The following TRPC4AP variants were observed in gnomAD, a reference collection of about 807,000 sequenced individuals.
The protein encoded by TRPC4AP is transient receptor potential cation channel subfamily C member 4 associated protein.
Under a neutral mutation model 99.0 loss-of-function variants are expected in TRPC4AP, and 45 were observed. The observed-to-expected ratio is 0.45, with a 90% CI of 0.36 to 0.58. The LOEUF is 0.58. Ranked by LOEUF, TRPC4AP falls within the 20% of genes least tolerant of loss-of-function variation. The probability of loss-of-function intolerance (pLI) is 0.00; values close to 1 mark genes in which losing one functional copy is unlikely to be tolerated. For synonymous variants in TRPC4AP, 408 were observed against 385.8 expected, an observed-to-expected ratio of 1.06 and a Z score of -0.67; for missense variants, 879 against 985.3, an observed-to-expected ratio of 0.89 and a Z score of 1.44.
chr20:35,081,446 C>G (rs1160884524), intron 1 of TRPC4AP, among the ~76,000 whole-genome samples: 1 of 151,246 alleles, frequency 6.6e-6, no homozygotes, highest in Non-Finnish European at 1.5e-5. Context: ...GCTAGGAGGC[C>G]GAGACTGCAG....
At chr20:35,063,361 G>T (rs2084056788) in intron 3 of TRPC4AP, among the ~76,000 whole-genome samples, 1 of 152,128 alleles carries the variant, frequency 6.6e-6, no homozygotes, top group Non-Finnish European at 1.5e-5. Context: ...GCATATTATG[G>T]ACATTATGGA....
chr20:35,086,533 G>GTACATATATA (rs1308760481), intron 1 of TRPC4AP, among the ~76,000 whole-genome samples: 6 of 73,484 alleles, frequency 8.2e-5, no homozygotes, highest in Admixed American at 2.9e-4. Context: ...ATATGTGTGT[G>GTACATATATA]TGTGTGTGTG....
rs2082659966 is a variant in TRPC4AP at position 35,012,440 on chromosome 20, C to T, written c.1409+568G>A. Among the ~76,000 whole-genome samples the T allele has an allele frequency of 2.6e-5, 4 of 152,368 alleles. 1 individual carries two copies. The South Asian group carries it at 8.3e-4, about 32-fold the overall frequency. On this transcript the variant is annotated intron_variant, in intron 11 of 18. Coordinates refer to ENST00000252015, the MANE Select transcript of TRPC4AP (RefSeq NM_015638.3). The stretch of plus-strand genomic sequence containing the variant: ...AAATTCTTGTTCACTAAGGTCCCCA[C>T]ATCACCTCCCCAATGCCAAGGTCAA...
intron 8 of TRPC4AP, among the ~76,000 whole-genome samples, chr20:35,024,661 T>G (rs1359431877): frequency 2.0e-5 from 3 of 151,720 alleles, no homozygotes; most frequent in African/African-American, 7.3e-5. Context: ...CTGTCTCTTT[T>G]TATTACAAAA....
chr20:35,014,960 C>G (rs1211177313), intron 10 of TRPC4AP, among the ~76,000 whole-genome samples: 4 of 152,316 alleles, frequency 2.6e-5, no homozygotes, highest in African/African-American at 9.6e-5. Context: ...CTGTGAGAGA[C>G]ACAAGCTAAA....
At chr20:35,033,866 C>CATGAACTTCCCTGGA (rs1370030413) in intron 8 of TRPC4AP, among the ~76,000 whole-genome samples, 30 of 12,254 alleles carry the variant, frequency 2.4e-3, no homozygotes, top group Middle Eastern at 0.12. Flanking sequence ...AGAGTAAAGG[C>CATGAACTTCCCTGGA]CGGGCGCGGT....
intron 7 of TRPC4AP, among the ~76,000 whole-genome samples, chr20:35,043,164 T>C (rs759814171): frequency 6.6e-6 from 1 of 152,192 alleles, no homozygotes; most frequent in African/African-American, 2.4e-5. Context: ...ATTATATAAA[T>C]ATTGAATACA....
At chr20:35,003,916 G>C (rs1600490993) in intron 17 of TRPC4AP, among the ~76,000 whole-genome samples, 1 of 152,338 alleles carries the variant, frequency 6.6e-6, no homozygotes, top group East Asian at 1.9e-4. Flanking sequence ...GTCCCAGGCA[G>C]GGCTGGGTGC....
At position 35,016,152 on chromosome 20, in the gene TRPC4AP, G is replaced by T; in HGVS notation, c.1219-13C>A. 6.2e-7 allele frequency: 1 copy of T among 1,614,086 alleles called. No individual in the cohort carries two copies. The highest frequency in any genetic ancestry group is 1.3e-5 in the African/African-American group (1 of 75,032). On this transcript the variant is annotated splice_polypyrimidine_tract_variant and intron_variant, in intron 9 of 18. Coordinates refer to ENST00000252015, the MANE Select transcript of TRPC4AP (RefSeq NM_015638.3). ...TCATTCTGTGAACCTGAATGGGATA[G>T]GAAGGAAAAAGTATTAAGACAAATG... is the stretch of plus-strand genomic sequence containing the variant.
rs567473616 is a variant in TRPC4AP, at chr20:35,006,343, G to A, written c.1827+92C>T. Reference sequence around the variant, plus strand: ...CCCAGACTCCCCCGTCGTCTCTAACGTAAAACCTGTGCCTAAAGCCTGGCA... The same window carrying A: ...CCCAGACTCCCCCGTCGTCTCTAACATAAAACCTGTGCCTAAAGCCTGGCA... On this transcript the variant is annotated intron_variant, in intron 15 of 18. Transcript: ENST00000252015. 1.0e-4 allele frequency: 157 copies of A among 1,503,696 alleles called. No individual in the cohort carries two copies. The African/African-American group carries it at 2.0e-3, about 19-fold the overall frequency. 93.1% of individuals were successfully genotyped at this position (1,503,696 alleles called of 1,614,324 possible).
At chr20:35,045,269 A>G (rs1363310487) in intron 6 of TRPC4AP, among the ~76,000 whole-genome samples, 8 of 152,182 alleles carry the variant, frequency 5.3e-5, no homozygotes, top group Non-Finnish European at 1.5e-5. Context: ...AGTGTGAATG[A>G]TACCATACTA....
intron 8 of TRPC4AP, among the ~76,000 whole-genome samples, chr20:35,033,709 T>C (rs1194598033): frequency 2.6e-5 from 4 of 152,102 alleles, no homozygotes; most frequent in African/African-American, 9.7e-5. Context: ...AGAGGGTACC[T>C]GGCCAGGCAC....
chr20:35,020,596 C>T (rs566662471), intron 9 of TRPC4AP, among the ~76,000 whole-genome samples: 7 of 152,318 alleles, frequency 4.6e-5, no homozygotes, highest in Admixed American at 3.9e-4. Context: ...GCTGAGCCTC[C>T]AGCCTCTCCT....
At chr20:35,022,524 C>T (rs1163900753) in intron 8 of TRPC4AP, among the ~76,000 whole-genome samples, 6 of 152,144 alleles carry the variant, frequency 3.9e-5, no homozygotes, top group Admixed American at 6.5e-5. Context: ...AGCAGAGTGA[C>T]TTCCCTTCAG....
intron 17 of TRPC4AP, 49 bp from the exon 18 acceptor site, chr20:35,003,665 G>A (rs1298580046): frequency 1.3e-6 from 2 of 1,565,338 alleles, no homozygotes; most frequent in African/African-American, 2.7e-5. Flanking sequence ...GAGCCCCAGT[G>A]GCCCCTGGTG....
At chr20:35,035,862 C>A (rs921503538) in intron 7 of TRPC4AP, among the ~76,000 whole-genome samples, 4 of 152,070 alleles carry the variant, frequency 2.6e-5, no homozygotes, top group Non-Finnish European at 5.9e-5. Context: ...ATTTAATTTT[C>A]TTCAAAAATT....
chr20:35,012,881 A>C lies in TRPC4AP; in HGVS notation c.1409+127T>G, dbSNP rs1016707852. ...TGCAGTGTCACACCTGCTAACACTG[A>C]GGGGACAGTGGGCTTCCACCAGCTC... On this transcript the variant is annotated intron_variant, in intron 11 of 18. Coordinates refer to ENST00000252015, the MANE Select transcript of TRPC4AP (RefSeq NM_015638.3). 13 of 887,074 alleles carry C rather than the reference A, an allele frequency of 1.5e-5. No individual in the cohort carries two copies. The Admixed American group carries it at 2.6e-4, about 17-fold the overall frequency. The allele number at this position is 887,074 out of a possible 1,614,324, so 55.0% of individuals were successfully genotyped here. A position where few individuals can be genotyped will look rare whatever the true frequency, so the allele number is the denominator to read the frequency against.
intron 1 of TRPC4AP, among the ~76,000 whole-genome samples, chr20:35,084,832 T>C (rs566424538): frequency 6.6e-6 from 1 of 151,746 alleles, no homozygotes; most frequent in South Asian, 2.1e-4. Context: ...GGACTGTTTT[T>C]AACACTACAA....
chr20:35,076,550 G>GT (rs2084486125), intron 2 of TRPC4AP, among the ~76,000 whole-genome samples: 1 of 152,192 alleles, frequency 6.6e-6, no homozygotes, highest in South Asian at 2.1e-4. Context: ...GTTTGTCTGG[G>GT]TATCACCAGC....
Sources: allele counts gnomAD v4.1 joint callset (sites outside exome capture counted in the v4.1 genomes callset), GRCh38; gene constraint gnomAD v4.1.1; transcripts MANE v1.5; gene names NCBI Gene and HGNC (gene_info 2026-07-23, HGNC 2026-07-21).